Variants in ZNF782 observed in about 807,000 individuals in gnomAD.
ZNF782 encodes the protein zinc finger protein 782.
A neutral mutation model predicts 13.0 loss-of-function variants in ZNF782; 12 were observed. The ratio of observed to expected loss-of-function variants is 0.92; its 90% CI spans 0.59 to 1.50. The LOEUF (loss-of-function observed/expected upper bound fraction) is 1.50. Among genes scored for constraint, ZNF782 ranks in the 40% most tolerant of loss-of-function variants. The pLI is 0.00. For missense variants in ZNF782, 770 were observed against 822.9 expected (o/e 0.94, Z 0.79); for synonymous variants, 284 against 283.0 (o/e 1.00, Z -0.04).
At chr9:96,878,339 C>T (rs552370063), upstream of ZNF782, among the ~76,000 whole-genome samples, 6 of 152,316 alleles carry the variant, frequency 3.9e-5, no homozygotes, top group East Asian at 7.7e-4. Context: ...CGTGAGCCAC[C>T]GCGTCCGGAC....
chr9:96,916,253 G>C, the ZNF782 span, among the ~76,000 whole-genome samples: 1 of 151,940 alleles, frequency 6.6e-6, no homozygotes, highest in East Asian at 1.9e-4. Flanking sequence ...GCACTTTGGA[G>C]ACTAAGGCGG....
intron 4 of ZNF782, among the ~76,000 whole-genome samples, 170 bp downstream of exon 4, chr9:96,844,720 G>A (rs757124742): frequency 3.3e-5 from 5 of 152,128 alleles, no homozygotes; most frequent in Non-Finnish European, 7.4e-5. Flanking sequence ...ACACTGAAAG[G>A]TGCTGAATTT....
At chr9:96,911,510 G>GTTTTTTTTTTTT in the ZNF782 span, among the ~76,000 whole-genome samples, 6 of 109,674 alleles carry the variant, frequency 5.5e-5, no homozygotes, top group East Asian at 1.6e-3. Context: ...TTTTTTTTTT[G>GTTTTTTTTTTTT]TTTTTGTTTT....
In ZNF782 at chr9:96,819,294, G is replaced by A. The variant is rs1241533937; in HGVS notation, c.729C>T (p.Tyr243=). The change falls in exon 6 of 6, where the codon TAC becomes TAT. Residue 243 remains tyrosine, a synonymous_variant. Coordinates refer to ENST00000481138, the MANE Select transcript of ZNF782 (RefSeq NM_001001662.3). ...TGTTTTCCCCAAATTTATTGAAATT[G>A]TAAGATTTTCCTTTTGGGTGGGTAC... ...SNSTHPKGKS[Y]NFNKFGENKY... is the part of the protein sequence containing the mutation. 6.2e-7 allele frequency: 1 copy of A among 1,612,796 alleles called. No homozygotes were observed. The highest frequency in any genetic ancestry group is 8.5e-7 in the Non-Finnish European group (1 of 1,179,700).
chr9:96,872,804 G>A (rs1412229600), intron 1 of ZNF782, among the ~76,000 whole-genome samples: 1 of 152,048 alleles, frequency 6.6e-6, no homozygotes, highest in East Asian at 1.9e-4. Context: ...CGTATTAGAT[G>A]GCATCTTTGA....
chr9:96,864,272 G>A (rs1396890907), intron 1 of ZNF782, among the ~76,000 whole-genome samples: 9 of 151,566 alleles, frequency 5.9e-5, no homozygotes, highest in Admixed American at 2.6e-4. Context: ...GGTTTTCTTC[G>A]ATAACTAAGC....
intron 3 of ZNF782, among the ~76,000 whole-genome samples, chr9:96,847,214 C>T (rs1415599574): frequency 6.6e-6 from 1 of 152,018 alleles, no homozygotes; most frequent in Non-Finnish European, 1.5e-5. Context: ...TGTTAAATGC[C>T]TATATCAAAA....
intron 3 of ZNF782, among the ~76,000 whole-genome samples, chr9:96,846,697 AATT>A (rs1365001694): frequency 6.6e-6 from 1 of 152,208 alleles, no homozygotes; most frequent in African/African-American, 2.4e-5. Flanking sequence ...TTCACAAAAC[AATT>A]ACTACTAACC....
At chr9:96,874,808 C>T (rs1388114726) in intron 1 of ZNF782, among the ~76,000 whole-genome samples, 1 of 152,172 alleles carries the variant, frequency 6.6e-6, no homozygotes, top group East Asian at 1.9e-4. Context: ...TTCTTGGGAG[C>T]TGGGACCAGG....
chr9:96,879,420 G>T (rs1430786793), upstream of ZNF782, among the ~76,000 whole-genome samples: 1 of 152,150 alleles, frequency 6.6e-6, no homozygotes, highest in African/African-American at 2.4e-5. Flanking sequence ...GGAGAATGGC[G>T]TGAACCCAGA....
At chr9:96,891,151 G>A in the ZNF782 span, 1 of 152,182 alleles carries the variant, frequency 6.6e-6, no homozygotes, top group Non-Finnish European at 1.5e-5. Context: ...ATTGCTCTTT[G>A]GGTACAGGGC....
rs757341845 is a variant in ZNF782 at position 96,819,313 on chromosome 9, T to C, written c.710A>G (p.His237Arg). Residue 237 changes from histidine (H) to arginine (R), a missense_variant, in exon 6 of 6, where the codon CAC (histidine) becomes CGC (arginine). Physicochemically the swap from His to Arg is conservative, Grantham distance 29 (BLOSUM62 0). Coordinates refer to ENST00000481138, the MANE Select transcript of ZNF782 (RefSeq NM_001001662.3). ...KAALVTSNST[H>R]PKGKSYNFNK... ...GAAATTGTAAGATTTTCCTTTTGGG[T>C]GGGTACTGTTAGATGTAACAAGGGC... is the stretch of plus-strand genomic sequence containing the variant. The C allele has an allele frequency of 3.7e-6, 6 of 1,611,688 alleles. No homozygotes were observed. The highest frequency in any genetic ancestry group is 5.1e-6 in the Non-Finnish European group (6 of 1,179,364).
chr9:96,890,083 T>A, the ZNF782 span: 1 of 152,224 alleles, frequency 6.6e-6, no homozygotes, highest in Admixed American at 6.5e-5. Context: ...ATCCTCCACA[T>A]CCCGAGGCAG....
the ZNF782 span, among the ~76,000 whole-genome samples, chr9:96,885,920 T>G: frequency 6.6e-6 from 1 of 152,124 alleles, no homozygotes; most frequent in African/African-American, 2.4e-5. Context: ...CAATCATGGC[T>G]TACTTCAGCC....
In ZNF782 at chr9:96,852,120, C is replaced by G. The variant is rs1588170509; in HGVS notation, c.-44-115G>C. 1.4e-5 allele frequency: 9 copies of G among 646,508 alleles called. No homozygotes were observed. The East Asian group carries it at 2.5e-4, about 18-fold the overall frequency. The allele number at this position is 646,508 out of a possible 1,614,324, so 40.0% of individuals were successfully genotyped here. On this transcript the variant is annotated intron_variant, in intron 2 of 5. Coordinates refer to ENST00000481138, the MANE Select transcript of ZNF782 (RefSeq NM_001001662.3). ...AGCAGCCTTCCTAAGGTAACAGGGC[C>G]CTTCAGGCCTTGAAAAGGCATGAGA...
At chr9:96,895,391 A>G in the ZNF782 span, 1 of 152,260 alleles carries the variant, frequency 6.6e-6, no homozygotes, top group Non-Finnish European at 1.5e-5. Flanking sequence ...AAGAAGAATC[A>G]AGTGAATAAA....
chr9:96,862,893 G>T (rs60389326), intron 1 of ZNF782, among the ~76,000 whole-genome samples: 3,855 of 152,206 alleles, frequency 0.025, 182 homozygotes, highest in African/African-American at 0.088. Flanking sequence ...TAATCTGGCG[G>T]CGGTGGGTGG....
At chr9:96,823,513 AT>A (rs201498326) in intron 5 of ZNF782, among the ~76,000 whole-genome samples, 1,815 of 152,294 alleles carry the variant, frequency 0.012, 49 homozygotes, top group African/African-American at 0.041. Context: ...CTATTTTAGC[AT>A]TATCAAAATG....
At chr9:96,833,593 T>C (rs1850880355) in intron 4 of ZNF782, among the ~76,000 whole-genome samples, 1 of 152,228 alleles carries the variant, frequency 6.6e-6, no homozygotes, top group Non-Finnish European at 1.5e-5. Context: ...TCAACAGACT[T>C]ATCACTGACG....
Sources: gnomAD v4.1 joint callset for allele counts (sites outside exome capture counted in the v4.1 genomes callset) on GRCh38, gnomAD v4.1.1 for gene constraint, MANE v1.5 for transcripts, NCBI Gene and HGNC (gene_info 2026-07-23, HGNC 2026-07-21) for gene names.